PIKFYVE: variants seen among roughly 807,000 people sequenced by gnomAD.
The protein encoded by PIKFYVE is 1-phosphatidylinositol 3-phosphate 5-kinase.
Under a neutral mutation model 257.9 loss-of-function variants are expected in PIKFYVE, and 122 were observed. That is an observed-to-expected ratio of 0.47 (90% CI 0.41 to 0.55). The LOEUF (loss-of-function observed/expected upper bound fraction) is 0.55, where lower values mean the gene tolerates loss of function less well. Among genes scored for constraint, PIKFYVE ranks in the 20% least tolerant of loss-of-function variants. The pLI is 0.00. For missense variants in PIKFYVE, 2,160 were observed against 2,536.6 expected, an observed-to-expected ratio of 0.85 and a Z score of 3.19; for synonymous variants, 892 against 868.9, an observed-to-expected ratio of 1.03 and a Z score of -0.47.
In PIKFYVE at chr2:208,304,999, C is replaced by A. The variant is rs768621450; in HGVS notation, c.1622C>A (p.Pro541His). The change falls in exon 12 of 42, where the codon CCT becomes CAT. Residue 541 changes from proline (P) to histidine (H), a missense_variant. By Grantham distance (77) the Pro-to-His change is moderately conservative. Around this residue, in one of 12 missense-constraint regions of PIKFYVE, gnomAD observed 346 missense variants for 365.6 expected, o/e 0.95. Transcript: ENST00000264380. Reference protein sequence around the residue: ...PSKYPHVPPHPADQKEYLISD... With the variant: ...PSKYPHVPPHHADQKEYLISD... ...AAGTACCCACATGTGCCCCCTCACC[C>A]TGCTGACCAAAAAGGTAGGAGGTAG... The A allele has an allele frequency of 6.2e-7, 1 of 1,614,106 alleles. No homozygotes were observed. The highest frequency in any genetic ancestry group is 8.5e-7 in the Non-Finnish European group (1 of 1,180,002).
chr2:208,300,852 T>G (rs1270848880), intron 8 of PIKFYVE, 85 bp from the exon 9 acceptor site: 1 of 1,548,278 alleles, frequency 6.5e-7, no homozygotes, highest in African/African-American at 1.4e-5. Flanking sequence ...TTTCCTTTTA[T>G]GAGTCTAAAA....
At chr2:208,348,727 CAG>C (rs2125791527) in intron 35 of PIKFYVE, among the ~76,000 whole-genome samples, 1 of 151,812 alleles carries the variant, frequency 6.6e-6, no homozygotes, top group Non-Finnish European at 1.5e-5. Context: ...TATTGGGAAA[CAG>C]ACCCATTCAT....
At position 208,336,831 on chromosome 2, in the gene PIKFYVE, G is replaced by A; in HGVS notation, c.4521-7G>A. 1 of 1,608,116 alleles carries A rather than the reference G, an allele frequency of 6.2e-7. No homozygotes were observed. The highest frequency in any genetic ancestry group is 8.5e-7 in the Non-Finnish European group (1 of 1,175,824). On this transcript the variant is annotated splice_polypyrimidine_tract_variant and splice_region_variant and intron_variant, in intron 27 of 41. Coordinates refer to ENST00000264380, the MANE Select transcript of PIKFYVE (RefSeq NM_015040.4). ...TATATATATATATTTTTTGCTTTTG[G>A]CCACAGGTTGCAGGACCTTTTCCAA... is the stretch of plus-strand genomic sequence containing the variant.
intron 7 of PIKFYVE, 90 bp downstream of exon 7, chr2:208,288,908 G>A (rs574165836): frequency 6.8e-7 from 1 of 1,480,228 alleles, no homozygotes; most frequent in Non-Finnish European, 9.4e-7. Context: ...GGGTGGGATT[G>A]ATTGTCATAT....
At chr2:208,350,643 A>C in intron 36 of PIKFYVE, 128 bp from the exon 37 acceptor site, 1 of 954,720 alleles carries the variant, frequency 1.0e-6, no homozygotes. Flanking sequence ...TTTGGATCTA[A>C]CATGCAAAAT....
At chr2:208,321,752 A>AT (rs931893788) in intron 17 of PIKFYVE, among the ~76,000 whole-genome samples, 19 of 151,038 alleles carry the variant, frequency 1.3e-4, no homozygotes, top group East Asian at 3.9e-4. Flanking sequence ...TAATTTTTGT[A>AT]TTTTTTTAGT....
chr2:208,350,771 A>C lies in PIKFYVE; in HGVS notation c.5435A>C (p.Gln1812Pro). 2 of 1,614,044 alleles carry C rather than the reference A, an allele frequency of 1.2e-6. No individual in the cohort carries two copies. The highest frequency in any genetic ancestry group is 1.7e-6 in the Non-Finnish European group (2 of 1,180,022). Residue 1812 changes from glutamine to proline, a missense_variant and splice_region_variant, in exon 37 of 42, where the codon CAA becomes CCA. Around this residue, in one of 12 missense-constraint regions of PIKFYVE, gnomAD observed 699 missense variants for 855.8 expected, o/e 0.82. Coordinates refer to ENST00000264380, the MANE Select transcript of PIKFYVE (RefSeq NM_015040.4). The part of the protein sequence containing the change: ...KQLINPHVEL[Q>P]FSDANAKFYC... ...TTAAAAAAACTTCTGTTGTTTATAG[A>C]ATTTTCAGATGCTAATGCCAAGTTT...
intron 17 of PIKFYVE, among the ~76,000 whole-genome samples, chr2:208,321,550 TTC>T (rs1241076425): frequency 7.3e-6 from 1 of 136,396 alleles, no homozygotes; most frequent in Admixed American, 8.1e-5. Flanking sequence ...AGGGAAATAC[TTC>T]TTTTTTCTTT....
At chr2:208,351,492 G>A (rs777914576) in intron 38 of PIKFYVE, 37 bp downstream of exon 38, 10 of 1,522,238 alleles carry the variant, frequency 6.6e-6, no homozygotes, top group Non-Finnish European at 9.1e-6. Flanking sequence ...ATCAAAGTTT[G>A]GTGGCTTTTT....
rs963646051 is a variant in PIKFYVE, at chr2:208,325,930, C to T, written c.3119C>T (p.Thr1040Ile). 3.7e-6 allele frequency: 6 copies of T among 1,613,940 alleles called. No individual in the cohort carries two copies. Among genetic ancestry groups the T allele is most frequent in the Non-Finnish European group, 5.1e-6 (6 of 1,179,934 alleles). ...ACCTCCTCTGAAGATAAACGAAAGA[C>T]TTATTCTTTGGCCTTTAAGCAGGAA... ...EVTSSEDKRK[T>I]YSLAFKQELK... Residue 1040 changes from threonine (T) to isoleucine (I), a missense_variant, in exon 20 of 42, where the codon ACT becomes ATT. By Grantham distance (89) the Thr-to-Ile change is moderately conservative (BLOSUM62 -1). Around this residue, in one of 12 missense-constraint regions of PIKFYVE, gnomAD observed 522 missense variants for 514.6 expected, o/e 1.01. Coordinates refer to ENST00000264380, the MANE Select transcript of PIKFYVE (RefSeq NM_015040.4).
At position 208,335,790 on chromosome 2, in the gene PIKFYVE, T is replaced by C. The variant is rs573664098; in HGVS notation, c.4257-3T>C. The C allele has an allele frequency of 1.8e-4, 291 of 1,603,124 alleles. 6 individuals are homozygous for C. The South Asian group carries it at 3.1e-3, about 17-fold the overall frequency. On this transcript the variant is annotated splice_polypyrimidine_tract_variant and splice_region_variant and intron_variant, in intron 25 of 41. Coordinates refer to ENST00000264380, the MANE Select transcript of PIKFYVE (RefSeq NM_015040.4). ...AAGTGTTTAATGCTCTCGCTATTGT[T>C]AGAGTTTCACAGGTATATGTTGCCA...
Position 208,325,765 on chromosome 2 carries a change from A to T in PIKFYVE, c.2954A>T (p.Asp985Val), listed in dbSNP as rs1346610853. ...GAATCATTGTTGCCACTCCCTGTGG[A>T]TGACCAACAAGATGCTTTAGGCAGC... ...VPESLLPLPV[D>V]DQQDALGSEQ... The change falls in exon 20 of 42, where the codon GAT (aspartate) becomes GTT (valine). Residue 985 changes from aspartate to valine, a missense_variant. This residue lies in a region of PIKFYVE where 522 missense variants were observed against 514.6 expected (regional missense o/e 1.01). Transcript: ENST00000264380. 1 of 1,613,676 alleles carries T rather than the reference A, an allele frequency of 6.2e-7. No individual in the cohort carries two copies.
rs944955518 is a variant in PIKFYVE at position 208,357,764 on chromosome 2, C to T, written c.*2459C>T. Reference sequence around the variant, plus strand: ...TGTTAAGTATTGAATGACTGTTTCCCTTTCCTTCAAGGCCTAGAGTATATT... The same window carrying T: ...TGTTAAGTATTGAATGACTGTTTCCTTTTCCTTCAAGGCCTAGAGTATATT... On this transcript the variant is annotated 3_prime_UTR_variant, in exon 42 of 42. Coordinates refer to ENST00000264380, the MANE Select transcript of PIKFYVE (RefSeq NM_015040.4). The T allele has an allele frequency of 1.8e-4, 27 of 152,192 alleles. No individual in the cohort carries two copies. The highest frequency in any genetic ancestry group is 6.0e-4 in the African/African-American group (25 of 41,538). 9.4% of individuals were successfully genotyped at this position (152,192 alleles called of 1,614,324 possible).
intron 16 of PIKFYVE, among the ~76,000 whole-genome samples, chr2:208,319,032 A>G (rs2125510297): frequency 6.6e-6 from 1 of 150,500 alleles, no homozygotes; most frequent in South Asian, 2.1e-4. Flanking sequence ...GATACCATTT[A>G]TCTATAGTAG....
At position 208,351,444 on chromosome 2, in the gene PIKFYVE, G is replaced by C. The variant is rs773607500; in HGVS notation, c.5704G>C (p.Val1902Leu). Residue 1902 changes from valine (V) to leucine (L), a missense_variant, in exon 38 of 42, where the codon GTT becomes CTT. Transcript: ENST00000264380. Reference sequence around the variant, plus strand: ...TTACTTCAATTATATTACAAATGCTGTTCAACAAAAGGTAGAAATCTAAAA... The same window carrying C: ...TTACTTCAATTATATTACAAATGCTCTTCAACAAAAGGTAGAAATCTAAAA... ...PHYFNYITNA[V>L]QQKRPTALAK... 5.6e-6 allele frequency: 9 copies of C among 1,608,854 alleles called. No homozygotes were observed. The East Asian group carries it at 2.0e-4, about 36-fold the overall frequency.
intron 35 of PIKFYVE, among the ~76,000 whole-genome samples, chr2:208,349,380 AAGT>A (rs1468014135): frequency 2.0e-5 from 3 of 152,040 alleles, no homozygotes; most frequent in East Asian, 1.9e-4. Context: ...ATTAAACAGA[AAGT>A]AGTAGGCTTG....
intron 12 of PIKFYVE, chr2:208,305,614 C>A (rs993658718): frequency 4.7e-6 from 2 of 428,616 alleles, no homozygotes; most frequent in South Asian, 9.8e-5. Context: ...ATAATAGTGA[C>A]CATATTCAAA....
intron 17 of PIKFYVE, among the ~76,000 whole-genome samples, chr2:208,321,906 T>G (rs1342951219): frequency 6.6e-6 from 1 of 152,208 alleles, no homozygotes; most frequent in African/African-American, 2.4e-5. Context: ...GTGATAAAAT[T>G]CTATTAGCAT....
intron 38 of PIKFYVE, 27 bp downstream of exon 38, chr2:208,351,482 A>G (rs1699768408): frequency 6.4e-6 from 10 of 1,559,418 alleles, no homozygotes; most frequent in Middle Eastern, 1.7e-4. Context: ...ATGGTCTGTA[A>G]TCAAAGTTTG....
Sources: gnomAD v4.1 joint callset for allele counts (sites outside exome capture counted in the v4.1 genomes callset) on GRCh38, gnomAD v4.1.1 for gene constraint, gnomAD v4.1.1 regional missense constraint, MANE v1.5 for transcripts, NCBI Gene and HGNC (gene_info 2026-07-23, HGNC 2026-07-21) for gene names.